Variants in LHFPL3 observed in about 807,000 individuals in gnomAD.
LHFPL3 encodes the protein LHFPL tetraspan subfamily member 3, also known as LHFPL tetraspan subfamily member 3 protein.
LHFPL3 carries 5 observed loss-of-function variants against 19.3 expected under a neutral mutation model. That is an observed-to-expected ratio of 0.26 (90% CI 0.14 to 0.54). The LOEUF (loss-of-function observed/expected upper bound fraction) is 0.54, where lower values mean the gene tolerates loss of function less well. LHFPL3 is among the 20% of genes least tolerant of loss of function. The pLI, the probability that LHFPL3 is intolerant of heterozygous loss-of-function variation, is 0.94. For synonymous variants in LHFPL3, 133 were observed against 126.2 expected, an observed-to-expected ratio of 1.05 and a Z score of -0.36; for missense variants, 249 against 307.4, an observed-to-expected ratio of 0.81 and a Z score of 1.42.
chr7:104,803,798 A>G (rs1790301665), intron 2 of LHFPL3, among the ~76,000 whole-genome samples: 1 of 152,226 alleles, frequency 6.6e-6, no homozygotes, highest in Admixed American at 6.5e-5. Context: ...TCTAGGGAAT[A>G]TTCCCTACCT....
At chr7:104,661,131 C>T (rs1442081934) in intron 1 of LHFPL3, among the ~76,000 whole-genome samples, 1 of 152,156 alleles carries the variant, frequency 6.6e-6, no homozygotes, top group South Asian at 2.1e-4. Flanking sequence ...TCCATGACAT[C>T]TCTGGACCCA....
At chr7:104,640,600 A>G (rs986787971) in intron 1 of LHFPL3, among the ~76,000 whole-genome samples, 12 of 152,182 alleles carry the variant, frequency 7.9e-5, no homozygotes, top group African/African-American at 2.9e-4. Context: ...ATGTGTCTTT[A>G]TAGTAGAATG....
intron 1 of LHFPL3, among the ~76,000 whole-genome samples, chr7:104,654,214 C>T (rs552669721): frequency 3.9e-5 from 6 of 152,262 alleles, no homozygotes; most frequent in African/African-American, 7.2e-5. Flanking sequence ...CTGTCCATGA[C>T]GTCATGCTGG....
chr7:104,691,185 G>C (rs1477763579), intron 1 of LHFPL3, among the ~76,000 whole-genome samples: 8 of 152,148 alleles, frequency 5.3e-5, no homozygotes. Context: ...CCATAAAGTG[G>C]GTTGTACACA....
chr7:104,492,418 C>T (rs560705164), intron 1 of LHFPL3, among the ~76,000 whole-genome samples: 44 of 152,256 alleles, frequency 2.9e-4, no homozygotes, highest in African/African-American at 4.6e-4. Context: ...GGTTATCTCT[C>T]GAATGGATCT....
At chr7:104,343,512 C>CAAAAAAAAAAAAAAAAAAAA (rs536122769) in intron 1 of LHFPL3, among the ~76,000 whole-genome samples, 2 of 47,472 alleles carry the variant, frequency 4.2e-5, no homozygotes, top group Admixed American at 2.5e-4. Flanking sequence ...GACTCTGTCT[C>CAAAAAAAAAAAAAAAAAAAA]AAAAAAAAAA....
At chr7:104,623,076 CT>C in intron 1 of LHFPL3, 2 of 265,918 alleles carry the variant, frequency 7.5e-6, no homozygotes, top group South Asian at 3.6e-5. Context: ...TCTATATCTT[CT>C]TTAGAGAAAT....
chr7:104,839,270 T>C (rs1272079635), intron 2 of LHFPL3, among the ~76,000 whole-genome samples: 1 of 152,160 alleles, frequency 6.6e-6, no homozygotes, highest in South Asian at 2.1e-4. Flanking sequence ...CCAGCTAAGG[T>C]GTATAAAGTG....
At chr7:104,799,354 G>A (rs1790196483) in intron 2 of LHFPL3, 1 of 152,158 alleles carries the variant, frequency 6.6e-6, no homozygotes, top group African/African-American at 2.4e-5. Flanking sequence ...AGGAGAGTAG[G>A]GTCTCAGACA....
rs140277619 is a variant in LHFPL3, at chr7:104,598,861, T to C, written c.446-137814T>C. Reference sequence around the variant, plus strand: ...TCTTCAGTTAATAATGTAAAAAGGATTGTATTGACAGGGTTAAATTCCCAG... The same window carrying C: ...TCTTCAGTTAATAATGTAAAAAGGACTGTATTGACAGGGTTAAATTCCCAG... On this transcript the variant is annotated intron_variant, in intron 1 of 2. Coordinates refer to ENST00000424859, the MANE Select transcript of LHFPL3 (RefSeq NM_199000.3). Among the ~76,000 whole-genome samples the C allele has an allele frequency of 6.9e-3, 1,050 of 152,348 alleles. 3 individuals are homozygous for C. Among genetic ancestry groups the C allele is most frequent in the Non-Finnish European group, 0.011 (746 of 68,034 alleles).
intron 1 of LHFPL3, among the ~76,000 whole-genome samples, chr7:104,560,613 G>T (rs1287463226): frequency 6.7e-6 from 1 of 149,270 alleles, no homozygotes; most frequent in Non-Finnish European, 1.5e-5. Context: ...CAATTTTGTT[G>T]ATCCTTTCAG....
chr7:104,845,262 T>C, intron 2 of LHFPL3: 1 of 696,458 alleles, frequency 1.4e-6, no homozygotes, highest in Non-Finnish European at 2.6e-6. Flanking sequence ...ACCAAGTATG[T>C]CTCTGCACAC....
At chr7:104,416,344 A>G (rs1300384511) in intron 1 of LHFPL3, among the ~76,000 whole-genome samples, 2 of 152,202 alleles carry the variant, frequency 1.3e-5, no homozygotes, top group Non-Finnish European at 2.9e-5. Context: ...CCTCCAGAAC[A>G]TTGAGATAAC....
intron 1 of LHFPL3, among the ~76,000 whole-genome samples, chr7:104,527,801 G>C (rs1377443346): frequency 6.6e-6 from 1 of 152,180 alleles, no homozygotes; most frequent in African/African-American, 2.4e-5. Context: ...AATGAATACA[G>C]AGGGAAATTC....
intron 2 of LHFPL3, among the ~76,000 whole-genome samples, chr7:104,899,561 A>G (rs1056201572): frequency 6.6e-6 from 1 of 152,202 alleles, no homozygotes; most frequent in African/African-American, 2.4e-5. Context: ...CACAGGAAGG[A>G]GAGGAAGCTT....
chr7:104,522,954 C>G (rs989610343), intron 1 of LHFPL3, among the ~76,000 whole-genome samples: 5 of 128,402 alleles, frequency 3.9e-5, no homozygotes, highest in African/African-American at 1.5e-4. Flanking sequence ...TGCTGTCTGT[C>G]TCTCTCTCTA....
intron 1 of LHFPL3, among the ~76,000 whole-genome samples, chr7:104,341,862 G>A (rs145845774): frequency 1.3e-5 from 2 of 151,694 alleles, no homozygotes; most frequent in African/African-American, 4.9e-5. Context: ...TCTAGAGGAC[G>A]GAGGGTGGAG....
chr7:104,393,666 A>G (rs1400139821), intron 1 of LHFPL3, among the ~76,000 whole-genome samples: 2 of 152,214 alleles, frequency 1.3e-5, no homozygotes, highest in African/African-American at 2.4e-5. Context: ...CAGTGAGCCG[A>G]GACCATGCCA....
chr7:104,681,468 CA>C (rs1792701327), intron 1 of LHFPL3, among the ~76,000 whole-genome samples: 1 of 151,982 alleles, frequency 6.6e-6, no homozygotes, highest in Non-Finnish European at 1.5e-5. Context: ...ACTAAAAATA[CA>C]AAATTAGCCG....
Sources: gnomAD v4.1 joint callset for allele counts (sites outside exome capture counted in the v4.1 genomes callset) on GRCh38, gnomAD v4.1.1 for gene constraint, MANE v1.5 for transcripts, NCBI Gene and HGNC (gene_info 2026-07-23, HGNC 2026-07-21) for gene names.